The following BTBD8 variants were observed in gnomAD, a reference collection of about 807,000 sequenced individuals.
BTBD8 encodes the protein BTB domain containing 8.
Under a neutral mutation model 162.9 loss-of-function variants are expected in BTBD8, and 110 were observed. That is an observed-to-expected ratio of 0.68 (90% confidence interval 0.58 to 0.79). BTBD8 has a LOEUF of 0.79. Ranked by LOEUF, BTBD8 falls within the 30% of genes least tolerant of loss-of-function variation. BTBD8 has a pLI of 0.00. For missense variants in BTBD8, 1,905 were observed against 2,085.4 expected (o/e 0.91, Z 1.68); for synonymous variants, 667 against 716.1 (o/e 0.93, Z 1.10).
intron 7 of BTBD8, among the ~76,000 whole-genome samples, chr1:92,142,519 A>C (rs112774758): frequency 0.016 from 2,511 of 152,278 alleles, 68 homozygotes; most frequent in African/African-American, 0.057. Context: ...ATTTCTAAAG[A>C]GAGAAGGCTT....
chr1:92,167,541 C>T (rs1356370418), intron 10 of BTBD8, among the ~76,000 whole-genome samples: 1 of 152,220 alleles, frequency 6.6e-6, no homozygotes, highest in Non-Finnish European at 1.5e-5. Flanking sequence ...TTGTTTATTT[C>T]TAGGTTCTGT....
At chr1:92,134,339 A>T (rs967294209) in intron 5 of BTBD8, among the ~76,000 whole-genome samples, 2 of 152,158 alleles carry the variant, frequency 1.3e-5, no homozygotes, top group Non-Finnish European at 2.9e-5. Flanking sequence ...ATTAAACCCA[A>T]ACTCTTGACC....
chr1:92,171,695 T>C (rs1045854263), intron 13 of BTBD8, among the ~76,000 whole-genome samples: 6 of 152,346 alleles, frequency 3.9e-5, no homozygotes, highest in African/African-American at 7.2e-5. Context: ...TGAAAACCTT[T>C]TTGGCAGCTA....
chr1:92,152,299 A>C (rs1650063544), intron 9 of BTBD8, among the ~76,000 whole-genome samples: 1 of 152,192 alleles, frequency 6.6e-6, no homozygotes, highest in Non-Finnish European at 1.5e-5. Context: ...TTACATGTCA[A>C]ATCTTTACCA....
chr1:92,160,490 G>C (rs142697528), intron 9 of BTBD8, among the ~76,000 whole-genome samples: 3,922 of 152,056 alleles, frequency 0.026, 73 homozygotes, highest in Non-Finnish European at 0.029. Context: ...TACAGGAGAA[G>C]ACCCTTACTA....
intron 8 of BTBD8, 71 bp downstream of exon 8, chr1:92,147,339 G>T: frequency 7.3e-7 from 1 of 1,370,334 alleles, no homozygotes. Flanking sequence ...TAATTTTGTG[G>T]GGAACTTTAG....
chr1:92,118,246 T>TA (rs1649096578), intron 4 of BTBD8, among the ~76,000 whole-genome samples: 1 of 151,510 alleles, frequency 6.6e-6, no homozygotes, highest in Non-Finnish European at 1.5e-5. Flanking sequence ...CCTGTCTCCT[T>TA]AGGCTCCTCT....
At chr1:92,166,859 A>G in intron 9 of BTBD8, 99 bp from the exon 10 acceptor site, 1 of 1,245,898 alleles carries the variant, frequency 8.0e-7, no homozygotes, top group Non-Finnish European at 1.1e-6. Flanking sequence ...TTGTTTTTGC[A>G]GGAAACATCC....
intron 4 of BTBD8, among the ~76,000 whole-genome samples, chr1:92,111,917 A>C (rs1648907104): frequency 6.6e-6 from 1 of 152,224 alleles, no homozygotes; most frequent in Admixed American, 6.5e-5. Context: ...GTAATGCCAC[A>C]GGGACCTGCA....
chr1:92,122,709 C>T (rs1188934125), intron 4 of BTBD8, among the ~76,000 whole-genome samples: 1 of 151,730 alleles, frequency 6.6e-6, no homozygotes, highest in African/African-American at 2.4e-5. Context: ...GGGTTACAGG[C>T]GTGTGCCACC....
At position 92,108,070 on chromosome 1, in the gene BTBD8, C is replaced by T. The variant is rs762912503; in HGVS notation, c.662+69C>T. 8 of 1,402,950 alleles carry T rather than the reference C, an allele frequency of 5.7e-6. No homozygotes were observed. In the Admixed American group the frequency reaches 1.4e-4, roughly 24 times the overall value. 86.9% of individuals were successfully genotyped at this position (1,402,950 alleles called of 1,614,324 possible). A position where few individuals can be genotyped will look rare whatever the true frequency, so the allele number is the denominator to read the frequency against. Reference sequence around the variant, plus strand: ...AGTGTGGAAGGGCAGCTGTCTCTTACCAGCACGGTGGTTTTCAAACTCTGG... The same window carrying T: ...AGTGTGGAAGGGCAGCTGTCTCTTATCAGCACGGTGGTTTTCAAACTCTGG... On this transcript the variant is annotated intron_variant, in intron 4 of 17. Coordinates refer to ENST00000636805, the MANE Select transcript of BTBD8 (RefSeq NM_001376131.1).
intron 12 of BTBD8, 127 bp from the exon 13 acceptor site, chr1:92,171,272 G>A: frequency 1.6e-6 from 1 of 613,962 alleles, no homozygotes; most frequent in East Asian, 3.3e-5. Context: ...ATACTAGATT[G>A]GTTTCAGGTT....
chr1:92,086,199 G>A (rs1254090397), intron 1 of BTBD8, among the ~76,000 whole-genome samples: 1 of 152,096 alleles, frequency 6.6e-6, no homozygotes, highest in Non-Finnish European at 1.5e-5. Flanking sequence ...TATGCCCTGA[G>A]CCCCGGATTC....
At chr1:92,105,899 G>C (rs1367861726) in intron 3 of BTBD8, among the ~76,000 whole-genome samples, 1 of 152,180 alleles carries the variant, frequency 6.6e-6, no homozygotes, top group African/African-American at 2.4e-5. Context: ...CAGATAATTT[G>C]GCTGCCTGTG....
intron 2 of BTBD8, among the ~76,000 whole-genome samples, chr1:92,094,316 G>A (rs192589728): frequency 6.6e-6 from 1 of 152,286 alleles, no homozygotes; most frequent in Admixed American, 6.5e-5. Context: ...CACTTGTGAC[G>A]TACCCTTTTT....
rs940926603 is a variant in BTBD8, at chr1:92,180,838, G to T, written c.3155G>T (p.Ser1052Ile). The T allele has an allele frequency of 1.9e-6, 3 of 1,551,452 alleles. No individual in the cohort carries two copies. Among genetic ancestry groups the T allele is most frequent in the Non-Finnish European group, 1.7e-6 (2 of 1,146,928 alleles). Reference protein sequence around the residue: ...LESKQICLDKSETKFPNHKET... With the variant: ...LESKQICLDKIETKFPNHKET... Reference sequence around the variant, plus strand: ...TCAAAACAGATTTGTTTAGATAAAAGTGAAACAAAATTTCCCAATCACAAA... The same window carrying T: ...TCAAAACAGATTTGTTTAGATAAAATTGAAACAAAATTTCCCAATCACAAA... The change falls in exon 17 of 18, where the codon AGT (serine) becomes ATT (isoleucine). Residue 1052 changes from serine (S) to isoleucine (I), a missense_variant. Physicochemically the swap from Ser to Ile is moderately radical, Grantham distance 142. Coordinates refer to ENST00000636805, the MANE Select transcript of BTBD8 (RefSeq NM_001376131.1).
intron 6 of BTBD8, chr1:92,139,960 A>AAAAAAAAAAAAAAT (rs1649732595): frequency 6.9e-6 from 1 of 144,988 alleles, no homozygotes; most frequent in Non-Finnish European, 1.5e-5. Context: ...AAAAAAAAAA[A>AAAAAAAAAAAAAAT]AAAGCTGGGC....
At position 92,081,708 on chromosome 1, in the gene BTBD8, G is replaced by A. The variant is rs192776316; in HGVS notation, c.149+988G>A. Among the ~76,000 whole-genome samples, 502 of 152,250 alleles carry A rather than the reference G, an allele frequency of 3.3e-3. 3 individuals carry two copies. Among genetic ancestry groups the A allele is most frequent in the African/African-American group, 0.012 (486 of 41,542 alleles). On this transcript the variant is annotated intron_variant, in intron 1 of 17. Coordinates refer to ENST00000636805, the MANE Select transcript of BTBD8 (RefSeq NM_001376131.1). The stretch of plus-strand genomic sequence containing the variant: ...CCTGCCTCAACCTCCCGAGTAGCTG[G>A]GATTACAGGCACGCGCCACCACGCC...
chr1:92,154,532 T>C (rs1039788313), intron 9 of BTBD8, among the ~76,000 whole-genome samples: 2 of 152,198 alleles, frequency 1.3e-5, no homozygotes, highest in Middle Eastern at 3.2e-3. Context: ...TCCCTGATGA[T>C]TAATGACATA....
Sources: allele counts gnomAD v4.1 joint callset (sites outside exome capture counted in the v4.1 genomes callset), GRCh38; gene constraint gnomAD v4.1.1; transcripts MANE v1.5; gene names NCBI Gene and HGNC (gene_info 2026-07-23, HGNC 2026-07-21).